Variants in SECISBP2 observed in about 807,000 individuals in gnomAD.
SECISBP2 encodes the protein selenocysteine insertion sequence-binding protein 2.
Under a neutral mutation model 98.2 loss-of-function variants are expected in SECISBP2, and 96 were observed. The observed-to-expected ratio is 0.98, with a 90% confidence interval of 0.83 to 1.16. SECISBP2 has a LOEUF of 1.16. SECISBP2 is among the 50% of genes most tolerant of loss of function. The pLI is 0.00. For synonymous variants in SECISBP2, 407 were observed against 370.2 expected, an observed-to-expected ratio of 1.10 and a Z score of -1.14; for missense variants, 1,046 against 1,022.9, an observed-to-expected ratio of 1.02 and a Z score of -0.31.
intron 7 of SECISBP2, among the ~76,000 whole-genome samples, chr9:89,337,726 A>G (rs1828995728): frequency 6.6e-6 from 1 of 152,222 alleles, no homozygotes; most frequent in Non-Finnish European, 1.5e-5. Flanking sequence ...AGCAGGGCCT[A>G]AAACAAAAAG....
chr9:89,327,664 C>T (rs147464184), intron 4 of SECISBP2, among the ~76,000 whole-genome samples: 1 of 152,292 alleles, frequency 6.6e-6, no homozygotes, highest in African/African-American at 2.4e-5. Context: ...TCTTCCACCT[C>T]CACATATTGT....
In SECISBP2 at chr9:89,325,889, T is replaced by C. The variant is rs77975525; in HGVS notation, c.433-8T>C. On this transcript the variant is annotated splice_region_variant and splice_polypyrimidine_tract_variant and intron_variant, in intron 3 of 16. Coordinates refer to ENST00000375807, the MANE Select transcript of SECISBP2 (RefSeq NM_024077.5). Reference sequence around the variant, plus strand: ...TTATTTCATGTTGCTTTTTAATCTTTCCTGCAGAAGAAAACCTATGATGAG... The same window carrying C: ...TTATTTCATGTTGCTTTTTAATCTTCCCTGCAGAAGAAAACCTATGATGAG... 6.2e-7 allele frequency: 1 copy of C among 1,613,904 alleles called. No homozygotes were observed. Among genetic ancestry groups the C allele is most frequent in the Non-Finnish European group, 8.5e-7 (1 of 1,179,970 alleles).
At position 89,338,719 on chromosome 9, in the gene SECISBP2, G is replaced by A. The variant is rs57378304; in HGVS notation, c.1212+139G>A. The stretch of plus-strand genomic sequence containing the variant: ...CATTTTTGTAGTGCTAAAGAAAACA[G>A]TAGCCACTCTTCTCACCTCTTCATT... On this transcript the variant is annotated intron_variant, in intron 8 of 16. Transcript: ENST00000375807. The A allele has an allele frequency of 3.6e-3, 3,096 of 868,000 alleles. 59 individuals are homozygous for A. In the African/African-American group the frequency reaches 0.045, roughly 13 times the overall value. 53.8% of individuals were successfully genotyped at this position (868,000 alleles called of 1,614,324 possible). A position where few individuals can be genotyped will look rare whatever the true frequency, so the allele number is the denominator to read the frequency against.
At chr9:89,343,103 C>A (rs867175897) in intron 10 of SECISBP2, among the ~76,000 whole-genome samples, 1 of 152,150 alleles carries the variant, frequency 6.6e-6, no homozygotes, top group Non-Finnish European at 1.5e-5. Flanking sequence ...AAGCTGCATT[C>A]CATGGAAATG....
intron 1 of SECISBP2, chr9:89,319,166 T>C (rs1361281337): frequency 1.6e-6 from 1 of 637,192 alleles, no homozygotes; most frequent in African/African-American, 2.0e-5. Flanking sequence ...CAAAGCAAGG[T>C]TTGGTATTTC....
At position 89,339,925 on chromosome 9, in the gene SECISBP2, C is replaced by T. The variant is rs560135614; in HGVS notation, c.1274C>T (p.Pro425Leu). Reference protein sequence around the residue: ...ASERRDRIETPKFQSKQQPQD... With the variant: ...ASERRDRIETLKFQSKQQPQD... ...GAAAGAAGAGACAGAATAGAGACAC[C>T]GAAATTTCAATCTAAGCAGCAGCCA... The change falls in exon 9 of 17, where the codon CCG becomes CTG. Residue 425 changes from proline (P) to leucine (L), a missense_variant. By Grantham distance (98) the Pro-to-Leu change is moderately conservative. Coordinates refer to ENST00000375807, the MANE Select transcript of SECISBP2 (RefSeq NM_024077.5). The T allele has an allele frequency of 7.4e-6, 12 of 1,613,290 alleles. No homozygotes were observed. In the East Asian group the frequency reaches 1.1e-4, roughly 15 times the overall value.
downstream of SECISBP2, chr9:89,364,543 A>G (rs1206992463): frequency 5.9e-6 from 1 of 168,678 alleles, no homozygotes; most frequent in Non-Finnish European, 1.3e-5. Flanking sequence ...GAATTACACT[A>G]GGACTGCCGA....
intron 2 of SECISBP2, among the ~76,000 whole-genome samples, chr9:89,321,264 T>C (rs953029632): frequency 6.6e-6 from 1 of 152,256 alleles, no homozygotes; most frequent in African/African-American, 2.4e-5. Context: ...TGGTATTTAG[T>C]TACTCAAAAT....
chr9:89,322,440 T>TA (rs1825970989), intron 2 of SECISBP2: 1 of 152,234 alleles, frequency 6.6e-6, no homozygotes. Flanking sequence ...CTTTCATAGT[T>TA]ACTACAATCC....
chr9:89,361,790 C>G (rs1179897057), downstream of SECISBP2: 2 of 154,246 alleles, frequency 1.3e-5, no homozygotes, highest in African/African-American at 4.8e-5. Context: ...TTGACAGATG[C>G]ACTCCCAGAT....
chr9:89,334,441 C>T (rs895155923), intron 6 of SECISBP2, 81 bp from the exon 7 acceptor site: 14 of 1,114,208 alleles, frequency 1.3e-5, no homozygotes, highest in African/African-American at 4.6e-5. Context: ...GCAGTTACCT[C>T]ATGTAATGCA....
chr9:89,339,738 C>T lies in SECISBP2; in HGVS notation c.1213-126C>T, dbSNP rs983194357. On this transcript the variant is annotated intron_variant, in intron 8 of 16. Coordinates refer to ENST00000375807, the MANE Select transcript of SECISBP2 (RefSeq NM_024077.5). ...AGCAGAAGCTCTTATGTGAGAGTTT[C>T]GCGGCTTTTTTTTTTAAATCACTTT... The T allele has an allele frequency of 4.4e-5, 32 of 729,540 alleles. 1 individual carries two copies. Among genetic ancestry groups the T allele is most frequent in the Admixed American group, 2.0e-4 (9 of 44,878 alleles). 45.2% of individuals were successfully genotyped at this position (729,540 alleles called of 1,614,324 possible).
At chr9:89,363,332 T>C (rs558807834), downstream of SECISBP2, 9 of 1,534,078 alleles carry the variant, frequency 5.9e-6, no homozygotes, top group African/African-American at 1.1e-4. Flanking sequence ...ACAAGTGGGG[T>C]CCATGCTGAA....
chr9:89,336,108 T>TTTTTC (rs1554720204), intron 7 of SECISBP2, among the ~76,000 whole-genome samples: 9 of 133,648 alleles, frequency 6.7e-5, no homozygotes, highest in Admixed American at 1.5e-4. Context: ...TTTTTTTTTT[T>TTTTTC]CACTGCAGCT....
At chr9:89,332,010 C>T (rs752946843) in intron 5 of SECISBP2, among the ~76,000 whole-genome samples, 9 of 152,114 alleles carry the variant, frequency 5.9e-5, no homozygotes, top group Non-Finnish European at 1.5e-5. Flanking sequence ...TTTAACTTTT[C>T]ACTTTATGTA....
At position 89,325,470 on chromosome 9, in the gene SECISBP2, T is replaced by C; in HGVS notation, c.226T>C (p.Phe76Leu). 1 of 1,613,900 alleles carries C rather than the reference T, an allele frequency of 6.2e-7. No homozygotes were observed. Among genetic ancestry groups the C allele is most frequent in the Non-Finnish European group, 8.5e-7 (1 of 1,179,880 alleles). The stretch of plus-strand genomic sequence containing the variant: ...AGACATGGCCTTTGGAGCTTCAACT[T>C]TTCCACCTCAGTATTTATCTTCTGA... Reference protein sequence around the residue: ...TEDMAFGASTFPPQYLSSEIT... With the variant: ...TEDMAFGASTLPPQYLSSEIT... The change falls in exon 3 of 17, where the codon TTT becomes CTT. Residue 76 changes from phenylalanine to leucine, a missense_variant. Transcript: ENST00000375807.
chr9:89,319,561 G>T (rs968732253), intron 1 of SECISBP2, 91 bp from the exon 2 acceptor site: 1 of 1,400,778 alleles, frequency 7.1e-7, no homozygotes, highest in East Asian at 2.3e-5. Flanking sequence ...ACATTTCTGG[G>T]GCTATTAGGA....
chr9:89,346,062 AAGG>A (rs1224519860), intron 10 of SECISBP2, among the ~76,000 whole-genome samples: 3 of 152,228 alleles, frequency 2.0e-5, no homozygotes, highest in Non-Finnish European at 4.4e-5. Context: ...TCCAAAATTA[AAGG>A]AGGGCAGGTA....
chr9:89,325,836 G>T, intron 3 of SECISBP2, 61 bp from the exon 4 acceptor site: 6 of 1,608,782 alleles, frequency 3.7e-6, no homozygotes, highest in Middle Eastern at 3.6e-4. Context: ...ATATTTTGCT[G>T]CTTTAAACCT....
Sources: gnomAD v4.1 joint callset for allele counts (sites outside exome capture counted in the v4.1 genomes callset) on GRCh38, gnomAD v4.1.1 for gene constraint, MANE v1.5 for transcripts, NCBI Gene and HGNC (gene_info 2026-07-23, HGNC 2026-07-21) for gene names.